Variants in TRABD2B observed in about 807,000 individuals in gnomAD.
The protein encoded by TRABD2B is TraB domain containing 2B.
In TRABD2B, 14 loss-of-function variants were observed where a neutral mutation model predicts 40.1. That is an observed-to-expected ratio of 0.35 (90% CI 0.23 to 0.55). The LOEUF (loss-of-function observed/expected upper bound fraction) is 0.55. Ranked by LOEUF, TRABD2B falls within the 20% of genes least tolerant of loss-of-function variation. The pLI is 0.90. For missense variants in TRABD2B, 541 were observed against 648.6 expected (o/e 0.83, Z 1.80); for synonymous variants, 263 against 277.0 (o/e 0.95, Z 0.50).
intron 2 of TRABD2B, among the ~76,000 whole-genome samples, chr1:47,992,133 G>A (rs1470464177): frequency 1.3e-5 from 2 of 152,194 alleles, no homozygotes; most frequent in Non-Finnish European, 2.9e-5. Context: ...CAGCTCTTTT[G>A]AGGAGCTGGA....
intron 2 of TRABD2B, among the ~76,000 whole-genome samples, chr1:47,915,178 G>A (rs1268150918): frequency 2.6e-5 from 4 of 152,188 alleles, no homozygotes; most frequent in African/African-American, 9.7e-5. Flanking sequence ...TTAGGTCGAG[G>A]CATTCTGGGC....
chr1:47,802,449 C>T (rs1644836115), intron 2 of TRABD2B, among the ~76,000 whole-genome samples: 1 of 152,198 alleles, frequency 6.6e-6, no homozygotes, highest in South Asian at 2.1e-4. Flanking sequence ...GCTCAATTCA[C>T]ATAGCTAGGC....
At chr1:47,981,243 G>A (rs1420048235) in intron 2 of TRABD2B, among the ~76,000 whole-genome samples, 2 of 152,072 alleles carry the variant, frequency 1.3e-5, no homozygotes. Flanking sequence ...CGAACTCCTG[G>A]CTTCAAGTGA....
intron 2 of TRABD2B, among the ~76,000 whole-genome samples, chr1:47,907,160 T>C (rs1644689998): frequency 6.6e-6 from 1 of 152,212 alleles, no homozygotes; most frequent in African/African-American, 2.4e-5. Context: ...CTCCAGCAGC[T>C]GGGGCTGCGG....
At chr1:47,944,150 T>C (rs1395821416) in intron 2 of TRABD2B, among the ~76,000 whole-genome samples, 1 of 152,006 alleles carries the variant, frequency 6.6e-6, no homozygotes, top group Non-Finnish European at 1.5e-5. Flanking sequence ...CGGGAGTGCA[T>C]GAGCCCAGGA....
At chr1:47,995,859 G>C (rs1646083089) in intron 1 of TRABD2B, among the ~76,000 whole-genome samples, 1 of 152,224 alleles carries the variant, frequency 6.6e-6, no homozygotes, top group African/African-American at 2.4e-5. Context: ...GCTGCTGGAG[G>C]TGCACCTTGC....
intron 2 of TRABD2B, among the ~76,000 whole-genome samples, chr1:47,862,099 T>C (rs1330205501): frequency 6.6e-6 from 1 of 152,186 alleles, no homozygotes; most frequent in African/African-American, 2.4e-5. Context: ...CTCTGTCAAG[T>C]TGATAAATAA....
Position 47,994,001 on chromosome 1 carries a change from T to G in TRABD2B, c.666+33A>C. 1 of 1,513,798 alleles carries G rather than the reference T, an allele frequency of 6.6e-7. No individual in the cohort carries two copies. Among genetic ancestry groups the G allele is most frequent in the Non-Finnish European group, 8.8e-7 (1 of 1,132,684 alleles). 93.8% of individuals were successfully genotyped at this position (1,513,798 alleles called of 1,614,324 possible). ...AGAAGAGGACCCAGGTACCCAGGGC[T>G]GTCAGCTCCGGGCTGGGGCACTGCA... On this transcript the variant is annotated intron_variant, in intron 2 of 6. Transcript: ENST00000606738. The surrounding 1 kb of genome is among the most constrained non-coding windows in gnomAD (Gnocchi z 6.7).
chr1:47,996,742 G>A lies in TRABD2B; in HGVS notation c.48C>T (p.Thr16=). The A allele has an allele frequency of 8.2e-7, 1 of 1,224,996 alleles. No homozygotes were observed. Among genetic ancestry groups the A allele is most frequent in the Non-Finnish European group, 1.0e-6 (1 of 982,936 alleles). The allele number at this position is 1,224,996 out of a possible 1,614,324, so 75.9% of individuals were successfully genotyped here. A position where few individuals can be genotyped will look rare whatever the true frequency, so the allele number is the denominator to read the frequency against. Residue 16 remains threonine, a synonymous_variant, in exon 1 of 7, where the codon ACC becomes ACT. Coordinates refer to ENST00000606738, the MANE Select transcript of TRABD2B (RefSeq NM_001194986.2). This position sits in a 1 kb window ranked among gnomAD's most constrained non-coding sequence, Gnocchi z 4.6. ...CCGGGGGCTGCGGGCGGGCGCGAGC[G>A]GTGGCGAGGAGGGCGGCGAGCAGCG... ...AGPLLAALLA[T]ARARPQPPDG...
In TRABD2B at chr1:47,775,205, C is replaced by T. The variant is rs1049885500; in HGVS notation, c.1314G>A (p.Arg438=). 6 of 1,240,398 alleles carry T rather than the reference C, an allele frequency of 4.8e-6. No individual in the cohort carries two copies. The African/African-American group carries it at 9.3e-5, about 19-fold the overall frequency. 76.8% of individuals were successfully genotyped at this position (1,240,398 alleles called of 1,614,324 possible). ...TGCGGACCCAGAGGTCATTGAACTG[C>T]CGCGGCCGCTGGTGTGTGCTCTGCC... ...HKRQSTHQRP[R]QFNDLWVRIE... is the part of the protein sequence containing the mutation. Residue 438 remains arginine, a synonymous_variant, in exon 6 of 7, where the codon CGG becomes CGA. Coordinates refer to ENST00000606738, the MANE Select transcript of TRABD2B (RefSeq NM_001194986.2).
intron 2 of TRABD2B, among the ~76,000 whole-genome samples, chr1:47,804,477 C>T (rs115593408): frequency 9.6e-4 from 146 of 152,316 alleles, no homozygotes; most frequent in African/African-American, 3.4e-3. Context: ...CACCTGCTCC[C>T]TTGTTTCTCG....
At chr1:47,805,404 G>A (rs1644878238) in intron 2 of TRABD2B, among the ~76,000 whole-genome samples, 2 of 152,166 alleles carry the variant, frequency 1.3e-5, no homozygotes, top group Admixed American at 1.3e-4. Context: ...CACAGCAGGA[G>A]TGTGGTGGGG....
intron 2 of TRABD2B, among the ~76,000 whole-genome samples, chr1:47,986,440 A>G (rs1232257459): frequency 6.6e-6 from 1 of 152,246 alleles, no homozygotes; most frequent in African/African-American, 2.4e-5. Context: ...ATCAATTGTG[A>G]GCACATTTTG....
At chr1:47,903,313 G>T (rs1230379424) in intron 2 of TRABD2B, among the ~76,000 whole-genome samples, 1 of 152,086 alleles carries the variant, frequency 6.6e-6, no homozygotes, top group African/African-American at 2.4e-5. Flanking sequence ...CTCTGCCTAG[G>T]GGCTTCCAAC....
At chr1:47,856,647 C>CA (rs1223341699) in intron 2 of TRABD2B, among the ~76,000 whole-genome samples, 3 of 152,290 alleles carry the variant, frequency 2.0e-5, no homozygotes, top group African/African-American at 7.2e-5. Context: ...TCACTCCAAC[C>CA]ATGCACCCAC....
At chr1:47,995,133 T>C (rs1182724817) in intron 1 of TRABD2B, among the ~76,000 whole-genome samples, 1 of 152,138 alleles carries the variant, frequency 6.6e-6, no homozygotes, top group Non-Finnish European at 1.5e-5. Context: ...AATCCAACCA[T>C]TAGAAGATAT....
At position 47,794,796 on chromosome 1, in the gene TRABD2B, T is replaced by TG. The variant is rs1466319467; in HGVS notation, c.814-37_814-36insC. The stretch of plus-strand genomic sequence containing the variant: ...AAGACAGAGGCTGCCTTCAGTTTTT[T>TG]TTTTTTTTTTTTTTTTGATAAAGGG... On this transcript the variant is annotated intron_variant, in intron 3 of 6. Transcript: ENST00000606738. 6 of 1,442,712 alleles carry TG rather than the reference T, an allele frequency of 4.2e-6. No individual in the cohort carries two copies. The African/African-American group carries it at 5.8e-5, about 14-fold the overall frequency. The allele number at this position is 1,442,712 out of a possible 1,614,324, so 89.4% of individuals were successfully genotyped here.
chr1:47,902,325 GA>G (rs1360189725), intron 2 of TRABD2B, among the ~76,000 whole-genome samples: 1 of 152,164 alleles, frequency 6.6e-6, no homozygotes, highest in Non-Finnish European at 1.5e-5. Context: ...AAAATGGTGG[GA>G]TGAAAGAGAA....
intron 2 of TRABD2B, among the ~76,000 whole-genome samples, chr1:47,925,343 A>C (rs1464678033): frequency 3.3e-5 from 5 of 152,252 alleles, no homozygotes; most frequent in African/African-American, 1.2e-4. Context: ...TTGAAAAAAG[A>C]AAGCAAAGAA....
Sources: allele counts gnomAD v4.1 joint callset (sites outside exome capture counted in the v4.1 genomes callset), GRCh38; gene constraint gnomAD v4.1.1; non-coding constraint Gnocchi (gnomAD v3.1); transcripts MANE v1.5; gene names NCBI Gene and HGNC (gene_info 2026-07-23, HGNC 2026-07-21).